Variants in ZNF611 observed in about 807,000 individuals in gnomAD.
The protein encoded by ZNF611 is zinc finger protein 611.
A neutral mutation model predicts 8.9 loss-of-function variants in ZNF611; 6 were observed. The observed-to-expected ratio is 0.68, with a 90% CI of 0.37 to 1.34. The LOEUF (loss-of-function observed/expected upper bound fraction) is 1.34, where lower values mean the gene tolerates loss of function less well. Ranked by LOEUF, ZNF611 falls within the 40% of genes most tolerant of loss-of-function variation. ZNF611 has a pLI of 0.02. For missense variants in ZNF611, 874 were observed against 841.3 expected, an observed-to-expected ratio of 1.04 and a Z score of -0.48; for synonymous variants, 262 against 279.7, an observed-to-expected ratio of 0.94 and a Z score of 0.63.
At chr19:52,734,573 T>G (rs1600342622) in intron 1 of ZNF611, among the ~76,000 whole-genome samples, 2 of 139,688 alleles carry the variant, frequency 1.4e-5, no homozygotes, top group Non-Finnish European at 1.6e-5. Flanking sequence ...AGGACCAGGA[T>G]GGGGTCTGCA....
intron 4 of ZNF611, among the ~76,000 whole-genome samples, chr19:52,714,809 T>C (rs12983157): frequency 0.64 from 35,851 of 56,438 alleles, 15,003 homozygotes; most frequent in African/African-American, 0.87. Context: ...ACCATCCTGG[T>C]CAACATGGCA....
chr19:52,705,344 A>G lies in ZNF611; in HGVS notation c.1711T>C (p.Cys571Arg). 6.2e-7 allele frequency: 1 copy of G among 1,614,148 alleles called. No individual in the cohort carries two copies. Among genetic ancestry groups the G allele is most frequent in the Non-Finnish European group, 8.5e-7 (1 of 1,180,028 alleles). The change falls in exon 6 of 6, where the codon TGC becomes CGC. Residue 571 changes from cysteine to arginine, a missense_variant. By Grantham distance (180) the Cys-to-Arg change is radical. Coordinates refer to ENST00000652185, the MANE Select transcript of ZNF611 (RefSeq NM_001161499.2). ...GACCTGTGACTGAAGGTCTTGCTGC[A>G]CTCATTACACTTGTAAGGTTTCTCT... ...SGEKPYKCNE[C>R]SKTFSHRSYL... is the part of the protein sequence containing the mutation.
intron 5 of ZNF611, among the ~76,000 whole-genome samples, chr19:52,710,008 T>C (rs186665986): frequency 9.2e-5 from 14 of 152,316 alleles, no homozygotes; most frequent in African/African-American, 3.1e-4. Flanking sequence ...TGACATCTTG[T>C]TCTTGGATTT....
rs143325682 is a variant in ZNF611, at chr19:52,714,716, A to G, written c.64-575T>C. Among the ~76,000 whole-genome samples the G allele has an allele frequency of 3.0e-4, 12 of 40,344 alleles. 3 individuals are homozygous for G. The highest frequency in any genetic ancestry group is 4.9e-4 in the Non-Finnish European group (11 of 22,404). 26.5% of individuals were successfully genotyped at this position (40,344 alleles called of 152,430 possible). A position where few individuals can be genotyped will look rare whatever the true frequency, so the allele number is the denominator to read the frequency against. ...AAACAAAACAAAACAAAACAAAAAA[A>G]CAATGCCGGGCAGTGACTGTCACCT... On this transcript the variant is annotated intron_variant, in intron 4 of 5. Coordinates refer to ENST00000652185, the MANE Select transcript of ZNF611 (RefSeq NM_001161499.2).
intron 3 of ZNF611, among the ~76,000 whole-genome samples, chr19:52,720,698 C>A (rs2062352190): frequency 6.7e-6 from 1 of 149,372 alleles, no homozygotes. Context: ...CTCCCCACCT[C>A]CCAGATGGCG....
In ZNF611 at chr19:52,705,909, T is replaced by C. The variant is rs144274818; in HGVS notation, c.1146A>G (p.Lys382=). Residue 382 remains lysine, a synonymous_variant, in exon 6 of 6, where the codon AAA becomes AAG. Coordinates refer to ENST00000652185, the MANE Select transcript of ZNF611 (RefSeq NM_001161499.2). ...CEECDKVFSR[K]STIETHKRIH... ...TTCTCTTATGTGTCTCAATGGTTGATTTCCGACTGAAAACTTTGTCACATT... is the reference window on the plus strand; with the variant it reads ...TTCTCTTATGTGTCTCAATGGTTGACTTCCGACTGAAAACTTTGTCACATT... 412 of 1,614,096 alleles carry C rather than the reference T, an allele frequency of 2.6e-4. No homozygotes were observed. Among genetic ancestry groups the C allele is most frequent in the Non-Finnish European group, 3.3e-4 (391 of 1,180,042 alleles).
chr19:52,730,391 C>CAAA lies in ZNF611; in HGVS notation c.-221-389_-221-387dup, dbSNP rs1159350274. 3.3e-3 allele frequency among the ~76,000 whole-genome samples: 242 copies of CAAA among 73,546 alleles called. 11 individuals are homozygous for CAAA. The highest frequency in any genetic ancestry group is 4.8e-3 in the Non-Finnish European group (193 of 40,288). The allele number at this position is 73,546 out of a possible 152,430, so 48.2% of individuals were successfully genotyped here. A position where few individuals can be genotyped will look rare whatever the true frequency, so the allele number is the denominator to read the frequency against. On this transcript the variant is annotated intron_variant, in intron 1 of 5. Coordinates refer to ENST00000652185, the MANE Select transcript of ZNF611 (RefSeq NM_001161499.2). ...TGGGCGACAGAGCCAGACTCCGTCT[C>CAAA]AAAAAAAAAAAAAAAAAAAAAAAAA... is the stretch of plus-strand genomic sequence containing the variant.
chr19:52,718,289 G>A (rs2062331357), intron 3 of ZNF611, among the ~76,000 whole-genome samples: 4 of 151,460 alleles, frequency 2.6e-5, no homozygotes, highest in South Asian at 2.1e-4. Context: ...GCAGTGAGAC[G>A]AGATCATGCC....
At chr19:52,732,502 T>C (rs1247512160) in intron 1 of ZNF611, among the ~76,000 whole-genome samples, 4 of 85,876 alleles carry the variant, frequency 4.7e-5, no homozygotes, top group African/African-American at 2.6e-4. Flanking sequence ...TATTGAGTTA[T>C]TCAGAATAAC....
At position 52,705,535 on chromosome 19, in the gene ZNF611, T is replaced by C. The variant is rs1208927504; in HGVS notation, c.1520A>G (p.Glu507Gly). 3 of 1,614,012 alleles carry C rather than the reference T, an allele frequency of 1.9e-6. No individual in the cohort carries two copies. The highest frequency in any genetic ancestry group is 2.5e-6 in the Non-Finnish European group (3 of 1,180,032). Residue 507 changes from glutamate (E) to glycine (G), a missense_variant, in exon 6 of 6, where the codon GAG becomes GGG. Physicochemically the swap from Glu to Gly is moderately conservative, Grantham distance 98 (BLOSUM62 -2). Coordinates refer to ENST00000652185, the MANE Select transcript of ZNF611 (RefSeq NM_001161499.2). ...LLIHKSIHTGEQPYKCDECEK... is the reference protein window; with the variant it reads ...LLIHKSIHTGGQPYKCDECEK... ...ACATTCATCACATTTGTAAGGTTGC[T>C]CCCCAGTATGAATTGACTTATGAAT...
intron 3 of ZNF611, chr19:52,723,363 TCTC>T (rs2062372583): frequency 6.6e-6 from 1 of 151,450 alleles, no homozygotes; most frequent in South Asian, 2.1e-4. Flanking sequence ...TTCAAGCAAT[TCTC>T]CTTCCTCAGA....
intron 3 of ZNF611, among the ~76,000 whole-genome samples, chr19:52,722,218 AAAAT>A (rs1298744503): frequency 6.6e-6 from 1 of 151,992 alleles, no homozygotes; most frequent in African/African-American, 2.4e-5. Context: ...AATAAAATAA[AAAAT>A]AAATAAATAA....
At chr19:52,717,908 G>C (rs554691773) in intron 3 of ZNF611, among the ~76,000 whole-genome samples, 4 of 152,078 alleles carry the variant, frequency 2.6e-5, no homozygotes, top group Non-Finnish European at 4.4e-5. Context: ...AAACGTTTTC[G>C]ATATATGATA....
chr19:52,725,367 C>A (rs1212255111), intron 3 of ZNF611, among the ~76,000 whole-genome samples: 1 of 152,168 alleles, frequency 6.6e-6, no homozygotes, highest in Non-Finnish European at 1.5e-5. Flanking sequence ...CCCGGCGCTG[C>A]GCTCCAGGGG....
chr19:52,733,304 CT>C (rs928487873), intron 1 of ZNF611, among the ~76,000 whole-genome samples: 8 of 151,168 alleles, frequency 5.3e-5, no homozygotes, highest in Non-Finnish European at 1.2e-4. Flanking sequence ...TCTCTCGCCC[CT>C]TTTTTTTTGT....
intron 3 of ZNF611, chr19:52,724,601 T>C (rs898714558): frequency 6.6e-6 from 1 of 152,000 alleles, no homozygotes; most frequent in African/African-American, 2.4e-5. Context: ...TCGTCCTCAA[T>C]CTCTATATAT....
At chr19:52,712,456 T>TAAAAAAAAAA (rs55649603) in intron 5 of ZNF611, among the ~76,000 whole-genome samples, 6 of 37,466 alleles carry the variant, frequency 1.6e-4, no homozygotes, top group African/African-American at 5.6e-4. Flanking sequence ...CTGTCTCTAC[T>TAAAAAAAAAA]AAAAAAAAAA....
intron 3 of ZNF611, among the ~76,000 whole-genome samples, chr19:52,722,849 G>A (rs113160154): frequency 0.038 from 5,705 of 151,294 alleles, 343 homozygotes; most frequent in African/African-American, 0.13. Context: ...TCCAGCCTCT[G>A]CCTACAGAGT....
In ZNF611 at chr19:52,706,449, G is replaced by A. The variant is rs374934148; in HGVS notation, c.606C>T (p.Thr202=). Residue 202 remains threonine (T), a synonymous_variant, in exon 6 of 6, where the codon ACC becomes ACT. Transcript: ENST00000652185. ...TATTCCCATAGTTATTAGAAATCTG[G>A]GTTTGGGGCCTACAGGAAATTCTTT... ...TFQRISCRPQ[T]QISNNYGNNP... is the part of the protein sequence containing the mutation. 5.6e-6 allele frequency: 9 copies of A among 1,614,028 alleles called. No homozygotes were observed. Among genetic ancestry groups the A allele is most frequent in the African/African-American group, 1.3e-5 (1 of 74,920 alleles).
Sources: allele counts gnomAD v4.1 joint callset (sites outside exome capture counted in the v4.1 genomes callset), GRCh38; gene constraint gnomAD v4.1.1; transcripts MANE v1.5; gene names NCBI Gene and HGNC (gene_info 2026-07-23, HGNC 2026-07-21).